Variants in CEP128 observed in about 807,000 individuals in gnomAD.
CEP128 encodes centrosomal protein 128.
A neutral mutation model predicts 156.7 loss-of-function variants in CEP128; 132 were observed. That is an observed-to-expected ratio of 0.84 (90% CI 0.73 to 0.97). The LOEUF is 0.97. Among genes scored for constraint, CEP128 ranks in the 50% least tolerant of loss-of-function variants. The pLI, the probability that CEP128 is intolerant of heterozygous loss-of-function variation, is 0.00. For missense variants in CEP128, 1,252 were observed against 1,281.9 expected (o/e 0.98, Z 0.36); for synonymous variants, 469 against 448.9 (o/e 1.04, Z -0.57).
intron 9 of CEP128, among the ~76,000 whole-genome samples, chr14:80,851,764 A>C (rs995075510): frequency 1.1e-4 from 17 of 152,056 alleles, no homozygotes; most frequent in African/African-American, 4.1e-4. Flanking sequence ...ACAAACTATA[A>C]GGTGTTTTGT....
chr14:80,899,754 G>T (rs1010465498), intron 7 of CEP128, among the ~76,000 whole-genome samples, 184 bp downstream of exon 7: 1 of 152,136 alleles, frequency 6.6e-6, no homozygotes, highest in Admixed American at 6.5e-5. Context: ...AAATTAATTT[G>T]TCTAACACTG....
chr14:80,605,334 T>G (rs750062558), intron 19 of CEP128, among the ~76,000 whole-genome samples: 3 of 152,080 alleles, frequency 2.0e-5, no homozygotes, highest in Non-Finnish European at 4.4e-5. Flanking sequence ...TAAAACCTTT[T>G]AGGAATCCAA....
intron 19 of CEP128, among the ~76,000 whole-genome samples, chr14:80,591,325 A>T (rs1395295544): frequency 6.6e-6 from 1 of 152,100 alleles, no homozygotes; most frequent in African/African-American, 2.4e-5. Context: ...TTACCAAGCA[A>T]ATGGAAAGAA....
At chr14:80,833,550 G>C (rs1401727052) in intron 12 of CEP128, among the ~76,000 whole-genome samples, 1 of 151,918 alleles carries the variant, frequency 6.6e-6, no homozygotes, top group East Asian at 1.9e-4. Context: ...TAGCAGTTAA[G>C]ATCTCAAATT....
At chr14:80,818,950 C>A (rs1037226969) in intron 13 of CEP128, among the ~76,000 whole-genome samples, 1 of 152,152 alleles carries the variant, frequency 6.6e-6, no homozygotes, top group Non-Finnish European at 1.5e-5. Context: ...AATGGAAGAG[C>A]CCCAGGCCTA....
intron 22 of CEP128, 72 bp from the exon 23 acceptor site, chr14:80,527,054 A>G: frequency 1.4e-6 from 1 of 733,948 alleles, no homozygotes; most frequent in Non-Finnish European, 2.4e-6. Flanking sequence ...TTAGAGTAAG[A>G]AAGAGTCTAT....
In CEP128 at chr14:80,822,325, T is replaced by C. The variant is rs556234451; in HGVS notation, c.1209+8818A>G. On this transcript the variant is annotated intron_variant, in intron 13 of 24. Transcript: ENST00000555265. The stretch of plus-strand genomic sequence containing the variant: ...AATGGGGGTACAGGCATTGAGTAAA[T>C]ACAGCCATTCCAAATGAAAGAAATT... 1.6e-4 allele frequency among the ~76,000 whole-genome samples: 25 copies of C among 152,150 alleles called. No individual in the cohort carries two copies. The East Asian group carries it at 4.3e-3, about 26-fold the overall frequency.
intron 19 of CEP128, among the ~76,000 whole-genome samples, chr14:80,683,466 T>G (rs556752559): frequency 6.6e-6 from 1 of 152,192 alleles, no homozygotes; most frequent in East Asian, 1.9e-4. Flanking sequence ...GCATCAAGAT[T>G]AATAAAACAA....
intron 19 of CEP128, among the ~76,000 whole-genome samples, chr14:80,633,523 G>A (rs17110914): frequency 0.13 from 19,539 of 151,728 alleles, 1,520 homozygotes; most frequent in East Asian, 0.34. Flanking sequence ...GCTTTCCTCC[G>A]TCTCTCTCAT....
downstream of CEP128, among the ~76,000 whole-genome samples, chr14:80,486,647 C>T (rs976174143): frequency 2.0e-5 from 3 of 152,276 alleles, no homozygotes; most frequent in African/African-American, 4.8e-5. Flanking sequence ...CAAAGGGAAG[C>T]CCATCAGACT....
chr14:80,755,237 T>C (rs142341462), intron 18 of CEP128, among the ~76,000 whole-genome samples: 166 of 152,310 alleles, frequency 1.1e-3, no homozygotes, highest in Non-Finnish European at 2.0e-3. Context: ...TTTTGTAACT[T>C]GGACTGGCTC....
chr14:80,787,554 G>A lies in CEP128; in HGVS notation c.1561-2009C>T, dbSNP rs1252364277. Among the ~76,000 whole-genome samples, 5 of 152,048 alleles carry A rather than the reference G, an allele frequency of 3.3e-5. No individual in the cohort carries two copies. The East Asian group carries it at 9.6e-4, about 29-fold the overall frequency. On this transcript the variant is annotated intron_variant, in intron 14 of 24. Transcript: ENST00000555265. ...GGAGTAATGTCTTATCATATTCATT[G>A]GTTCCAGAAATTAGTGTGACTTCTT...
intron 13 of CEP128, among the ~76,000 whole-genome samples, chr14:80,811,837 G>GATAGATAGATAGATAGATAGATAT (rs1884571116): frequency 1.3e-5 from 2 of 152,092 alleles, no homozygotes; most frequent in African/African-American, 4.8e-5. Context: ...TAGATAGATA[G>GATAGATAGATAGATAGATAGATAT]ATAGATAGAT....
At chr14:80,556,453 G>A (rs1051340334) in intron 21 of CEP128, among the ~76,000 whole-genome samples, 6 of 152,058 alleles carry the variant, frequency 3.9e-5, no homozygotes, top group African/African-American at 4.8e-5. Flanking sequence ...CCCTGGCAAC[G>A]CATTTGCAAA....
At chr14:80,727,420 A>C (rs1185771832) in intron 19 of CEP128, among the ~76,000 whole-genome samples, 1 of 152,172 alleles carries the variant, frequency 6.6e-6, no homozygotes, top group Non-Finnish European at 1.5e-5. Context: ...ATCTTAATGC[A>C]ATATTTTGCC....
chr14:80,621,482 AT>A (rs1299219190), intron 19 of CEP128, among the ~76,000 whole-genome samples: 3 of 152,194 alleles, frequency 2.0e-5, no homozygotes, highest in African/African-American at 7.2e-5. Context: ...TGGTTCAAAA[AT>A]GGAGGCTAAT....
intron 19 of CEP128, among the ~76,000 whole-genome samples, chr14:80,716,009 G>C (rs1897589588): frequency 6.6e-6 from 1 of 152,136 alleles, no homozygotes; most frequent in African/African-American, 2.4e-5. Context: ...TAAATAACTG[G>C]ATGAATGTAA....
At chr14:80,590,142 C>A (rs562519624) in intron 19 of CEP128, among the ~76,000 whole-genome samples, 112 of 152,208 alleles carry the variant, frequency 7.4e-4, no homozygotes, top group African/African-American at 2.5e-3. Context: ...TGTACTGAAA[C>A]AAGGACATGA....
At chr14:80,736,378 G>C (rs1223616112) in intron 19 of CEP128, among the ~76,000 whole-genome samples, 1 of 152,038 alleles carries the variant, frequency 6.6e-6, no homozygotes. Context: ...CTCCCTAAGT[G>C]TGCTCATGAT....
Sources: allele counts gnomAD v4.1 joint callset (sites outside exome capture counted in the v4.1 genomes callset), GRCh38; gene constraint gnomAD v4.1.1; transcripts MANE v1.5; gene names NCBI Gene and HGNC (gene_info 2026-07-23, HGNC 2026-07-21).